The following KIF5C variants were observed in gnomAD, a reference collection of about 807,000 sequenced individuals.
The protein encoded by KIF5C is kinesin heavy chain isoform 5C.
KIF5C carries 18 observed loss-of-function variants against 125.2 expected under a neutral mutation model. That is an observed-to-expected ratio of 0.14 (90% CI 0.10 to 0.21). The LOEUF is 0.21. KIF5C is among the 10% of genes least tolerant of loss of function. The pLI is 1.00. For synonymous variants in KIF5C, 405 were observed against 434.0 expected, an observed-to-expected ratio of 0.93 and a Z score of 0.83; for missense variants, 780 against 1,183.8, an observed-to-expected ratio of 0.66 and a Z score of 5.01.
rs1682689713 is a variant in KIF5C at position 149,026,536 on chromosome 2, A to G, written c.*3466A>G. ...TTTCACATTAAAAAAATTGTGGACAAACTTGTCCGGGGGGTTTGAGGGGAG... is the reference window on the plus strand; with the variant it reads ...TTTCACATTAAAAAAATTGTGGACAGACTTGTCCGGGGGGTTTGAGGGGAG... On this transcript the variant is annotated 3_prime_UTR_variant, in exon 26 of 26. Coordinates refer to ENST00000435030, the MANE Select transcript of KIF5C (RefSeq NM_004522.3). 6.6e-6 allele frequency: 1 copy of G among 152,632 alleles called. No homozygotes were observed. The highest frequency in any genetic ancestry group is 1.5e-5 in the Non-Finnish European group (1 of 68,120). 9.5% of individuals were successfully genotyped at this position (152,632 alleles called of 1,614,324 possible). A position where few individuals can be genotyped will look rare whatever the true frequency, so the allele number is the denominator to read the frequency against.
chr2:148,958,393 G>T (rs1420032479), intron 10 of KIF5C, among the ~76,000 whole-genome samples: 1 of 152,102 alleles, frequency 6.6e-6, no homozygotes, highest in Non-Finnish European at 1.5e-5. Context: ...GGTGTGGGAA[G>T]GTATCTCATT....
At position 148,994,117 on chromosome 2, in the gene KIF5C, G is replaced by A. The variant is rs114718011; in HGVS notation, c.1906-304G>A. Among the ~76,000 whole-genome samples the A allele has an allele frequency of 6.1e-3, 935 of 152,308 alleles. 6 individuals are homozygous for A. The highest frequency in any genetic ancestry group is 0.022 in the African/African-American group (912 of 41,572). On this transcript the variant is annotated intron_variant, in intron 16 of 25. Coordinates refer to ENST00000435030, the MANE Select transcript of KIF5C (RefSeq NM_004522.3). ...TTCCCAGCCCCTTTCTCTCATGCAT[G>A]CTTTTCTCTGAGAAGGGAAACCAGC...
intron 14 of KIF5C, among the ~76,000 whole-genome samples, chr2:148,983,152 G>A (rs558293275): frequency 6.6e-6 from 1 of 152,112 alleles, no homozygotes; most frequent in South Asian, 2.1e-4. Context: ...TGTTCTTCTG[G>A]GCCATCTATT....
intron 1 of KIF5C, among the ~76,000 whole-genome samples, chr2:148,914,850 G>C (rs975938504): frequency 6.6e-6 from 1 of 152,238 alleles, no homozygotes; most frequent in Non-Finnish European, 1.5e-5. Context: ...GCAGTGGAGT[G>C]GAGAGGAGAA....
Position 148,924,039 on chromosome 2 carries a change from AATATGTATGATCATAC to A in KIF5C, c.217+1816_217+1831del, listed in dbSNP as rs1370846775. ...TAACAGACATTTCTAGGGTACCATA[AATATGTATGATCATAC>A]ATACATGCCTTATTCTCCCTTAAAA... On this transcript the variant is annotated intron_variant, in intron 2 of 25. Transcript: ENST00000435030. The surrounding 1 kb of genome is among the most constrained non-coding windows in gnomAD (Gnocchi z 4.0). Among the ~76,000 whole-genome samples, 2 of 152,212 alleles carry A rather than the reference AATATGTATGATCATAC, an allele frequency of 1.3e-5. No individual in the cohort carries two copies. Among genetic ancestry groups the A allele is most frequent in the East Asian group, 3.8e-4 (2 of 5,206 alleles).
At chr2:148,920,096 T>C (rs1158673926) in intron 1 of KIF5C, among the ~76,000 whole-genome samples, 1 of 152,032 alleles carries the variant, frequency 6.6e-6, no homozygotes, top group African/African-American at 2.4e-5. Flanking sequence ...AACTGAGGAG[T>C]CCTTTTTTTT....
chr2:149,001,167 C>T (rs1481024847), intron 21 of KIF5C, among the ~76,000 whole-genome samples: 1 of 152,212 alleles, frequency 6.6e-6, no homozygotes, highest in African/African-American at 2.4e-5. Flanking sequence ...TCCCTGTCCT[C>T]ATGAAGCTTA....
intron 25 of KIF5C, among the ~76,000 whole-genome samples, chr2:149,022,223 C>A (rs574241017): frequency 1.2e-3 from 190 of 152,184 alleles, no homozygotes; most frequent in Non-Finnish European, 2.4e-3. Flanking sequence ...GTTTTAATTT[C>A]CCCCTAGGAA....
intron 3 of KIF5C, among the ~76,000 whole-genome samples, chr2:148,930,406 T>G (rs912411791): frequency 6.6e-6 from 1 of 151,970 alleles, no homozygotes; most frequent in Non-Finnish European, 1.5e-5. Context: ...GAGGCCCACT[T>G]GATAGGTAAG....
intron 1 of KIF5C, among the ~76,000 whole-genome samples, chr2:148,890,593 AG>A (rs1681681327): frequency 6.6e-6 from 1 of 152,186 alleles, no homozygotes; most frequent in African/African-American, 2.4e-5. Context: ...GGAGAGAGCA[AG>A]GTTGCTAGAA....
At chr2:148,981,303 A>G in intron 13 of KIF5C, 52 bp from the exon 14 acceptor site, 2 of 1,531,322 alleles carry the variant, frequency 1.3e-6, no homozygotes, top group Non-Finnish European at 1.8e-6. Context: ...AGCATAGAAC[A>G]TAAACATTTG....
At chr2:148,959,767 C>T (rs551950987) in intron 10 of KIF5C, among the ~76,000 whole-genome samples, 1 of 152,300 alleles carries the variant, frequency 6.6e-6, no homozygotes, top group South Asian at 2.1e-4. Flanking sequence ...AGTTATGTTA[C>T]ACCCGTGGGG....
chr2:148,904,097 C>A (rs1681006808), intron 1 of KIF5C, among the ~76,000 whole-genome samples: 1 of 152,164 alleles, frequency 6.6e-6, no homozygotes, highest in Non-Finnish European at 1.5e-5. Flanking sequence ...TATAGCTTGT[C>A]AAGAGCAAGA....
chr2:148,885,790 CT>C (rs1277589713), intron 1 of KIF5C: 1 of 152,174 alleles, frequency 6.6e-6, no homozygotes, highest in Non-Finnish European at 1.5e-5. Flanking sequence ...GCATCTTTGG[CT>C]GCAGGGTATG....
At chr2:149,008,875 T>C (rs7603107) in intron 23 of KIF5C, among the ~76,000 whole-genome samples, 7,646 of 152,190 alleles carry the variant, frequency 0.05, 502 homozygotes, top group African/African-American at 0.15. Context: ...ATAGTTGAAG[T>C]CACTCAAACA....
intron 10 of KIF5C, among the ~76,000 whole-genome samples, chr2:148,955,953 T>G (rs1682781442): frequency 6.6e-6 from 1 of 152,196 alleles, no homozygotes; most frequent in Non-Finnish European, 1.5e-5. Flanking sequence ...ACAAATATCT[T>G]TGTGGTTATT....
intron 17 of KIF5C, 147 bp downstream of exon 17, chr2:148,994,685 G>A (rs1681616783): frequency 1.5e-5 from 15 of 1,027,102 alleles, no homozygotes; most frequent in Non-Finnish European, 1.9e-5. Context: ...AAAAAGGAGC[G>A]ATTTCTTTTC....
intron 2 of KIF5C, among the ~76,000 whole-genome samples, chr2:148,925,743 T>C (rs1681966696): frequency 6.6e-6 from 1 of 152,146 alleles, no homozygotes. Flanking sequence ...TATCTAAGCA[T>C]TGCAAAAGAC....
rs1177272484 is a variant in KIF5C, at chr2:148,917,346, C to A, written c.127-4791C>A. 3.3e-5 allele frequency among the ~76,000 whole-genome samples: 5 copies of A among 152,148 alleles called. No individual in the cohort carries two copies. The East Asian group carries it at 9.6e-4, about 29-fold the overall frequency. Reference sequence around the variant, plus strand: ...CATGTGTTATTGCGGATGTCTCCTGCTTTTCTGGCAAATCATAAGCTTTTT... The same window carrying A: ...CATGTGTTATTGCGGATGTCTCCTGATTTTCTGGCAAATCATAAGCTTTTT... On this transcript the variant is annotated intron_variant, in intron 1 of 25. Coordinates refer to ENST00000435030, the MANE Select transcript of KIF5C (RefSeq NM_004522.3).
Sources: gnomAD v4.1 joint callset for allele counts (sites outside exome capture counted in the v4.1 genomes callset) on GRCh38, gnomAD v4.1.1 for gene constraint, Gnocchi (gnomAD v3.1) non-coding constraint, MANE v1.5 for transcripts, NCBI Gene and HGNC (gene_info 2026-07-23, HGNC 2026-07-21) for gene names.